SYNE1: variants seen among roughly 807,000 people sequenced by gnomAD.
SYNE1 encodes nesprin-1.
Under a neutral mutation model 1,111.0 loss-of-function variants are expected in SYNE1, and 616 were observed. The observed-to-expected ratio is 0.55, with a 90% CI of 0.52 to 0.59. The LOEUF (loss-of-function observed/expected upper bound fraction) is 0.59. Among genes scored for constraint, SYNE1 ranks in the 20% least tolerant of loss-of-function variants. The pLI, the probability that SYNE1 is intolerant of heterozygous loss-of-function variation, is 0.00. For missense variants in SYNE1, 10,006 were observed against 10,417.0 expected (o/e 0.96, Z 1.72); for synonymous variants, 3,855 against 3,825.8 (o/e 1.01, Z -0.28).
chr6:152,405,607 G>A (rs567326351), intron 45 of SYNE1, among the ~76,000 whole-genome samples: 1 of 152,254 alleles, frequency 6.6e-6, no homozygotes, highest in East Asian at 1.9e-4. Flanking sequence ...TTTAATAATG[G>A]TTGTTTTTAA....
chr6:152,440,815 C>G (rs953515827), intron 32 of SYNE1, among the ~76,000 whole-genome samples: 2 of 152,006 alleles, frequency 1.3e-5, no homozygotes, highest in African/African-American at 4.8e-5. Context: ...ATCTGCCCTC[C>G]TCAGTCTCCC....
At chr6:152,355,286 T>C (rs2096817520) in intron 66 of SYNE1, among the ~76,000 whole-genome samples, 1 of 152,186 alleles carries the variant, frequency 6.6e-6, no homozygotes, top group Admixed American at 6.5e-5. Context: ...GGGCTATTGT[T>C]TAAAAGAATG....
intron 127 of SYNE1, among the ~76,000 whole-genome samples, chr6:152,192,436 AT>A (rs1487554842): frequency 8.1e-6 from 1 of 124,108 alleles, no homozygotes; most frequent in African/African-American, 3.1e-5. Context: ...ATGAGCATAC[AT>A]AAGTGACAGA....
intron 131 of SYNE1, among the ~76,000 whole-genome samples, chr6:152,157,715 T>C (rs1283858559): frequency 6.6e-6 from 1 of 152,076 alleles, no homozygotes; most frequent in Non-Finnish European, 1.5e-5. Context: ...GGGACCTAGG[T>C]TCTATATCAT....
At position 152,300,633 on chromosome 6, in the gene SYNE1, G is replaced by A. The variant is rs1188319988; in HGVS notation, c.17682+8C>T. ...ATTATTGCTAGAGGAATGCCAACTGGGAGGTACCTGGTTAACAGAAGCATC... is the reference window on the plus strand; with the variant it reads ...ATTATTGCTAGAGGAATGCCAACTGAGAGGTACCTGGTTAACAGAAGCATC... On this transcript the variant is annotated splice_region_variant and intron_variant, in intron 93 of 145. Coordinates refer to ENST00000367255, the MANE Select transcript of SYNE1 (RefSeq NM_182961.4). The A allele has an allele frequency of 6.2e-7, 1 of 1,614,174 alleles. No homozygotes were observed. The highest frequency in any genetic ancestry group is 8.5e-7 in the Non-Finnish European group (1 of 1,180,038).
chr6:152,536,532 G>C (rs940612820), intron 4 of SYNE1, among the ~76,000 whole-genome samples: 2 of 147,444 alleles, frequency 1.4e-5, no homozygotes, highest in Non-Finnish European at 3.0e-5. Context: ...TCATCAGCTC[G>C]CTAGAGTCTA....
chr6:152,475,787 C>T (rs2098831325), intron 14 of SYNE1, among the ~76,000 whole-genome samples: 2 of 152,178 alleles, frequency 1.3e-5, no homozygotes, highest in Admixed American at 1.3e-4. Flanking sequence ...AGGGAAAGGG[C>T]TGCAGGAATG....
rs1331611436 is a variant in SYNE1, at chr6:152,122,483, A to C, written c.26347T>G (p.Ser8783Ala). 1.9e-6 allele frequency: 3 copies of C among 1,614,188 alleles called. No individual in the cohort carries two copies. The Admixed American group carries it at 5.0e-5, about 27-fold the overall frequency. ...GTGTATCTGAGCATGGGGTGGAATG[A>C]CCGGGCAAAGTTGTTGGAGAGGGCA... ...SCALSNNFAR[S>A]FHPMLRYTNG... is the part of the protein sequence containing the mutation. Residue 8783 changes from serine (S) to alanine (A), a missense_variant, in exon 146 of 146, where the codon TCA (serine) becomes GCA (alanine). This residue lies in a region of SYNE1 where 761 missense variants were observed against 795.5 expected (regional missense o/e 0.96). Coordinates refer to ENST00000367255, the MANE Select transcript of SYNE1 (RefSeq NM_182961.4).
chr6:152,201,500 C>A (rs2075427422), intron 127 of SYNE1, among the ~76,000 whole-genome samples: 1 of 148,804 alleles, frequency 6.7e-6, no homozygotes, highest in African/African-American at 2.5e-5. Flanking sequence ...TTCTTGTAGA[C>A]TCGATTCTTC....
At chr6:152,628,941 C>T (rs1261845504) in intron 2 of SYNE1, among the ~76,000 whole-genome samples, 1 of 152,178 alleles carries the variant, frequency 6.6e-6, no homozygotes. Context: ...GCCTGCTTTG[C>T]ACATGTTTTG....
chr6:152,386,879 T>G (rs1434121426), intron 54 of SYNE1, among the ~76,000 whole-genome samples, 193 bp downstream of exon 54: 2 of 152,192 alleles, frequency 1.3e-5, no homozygotes, highest in Non-Finnish European at 2.9e-5. Context: ...TAGGCATTCA[T>G]AGTAAGAAAT....
chr6:152,163,518 A>G (rs1332861160), intron 131 of SYNE1, among the ~76,000 whole-genome samples: 1 of 150,498 alleles, frequency 6.6e-6, no homozygotes, highest in Non-Finnish European at 1.5e-5. Flanking sequence ...AAAAAAAAAA[A>G]GAAAGAATAA....
At chr6:152,350,934 C>T (rs181709860) in intron 70 of SYNE1, among the ~76,000 whole-genome samples, 164 bp from the exon 71 acceptor site, 192 of 152,262 alleles carry the variant, frequency 1.3e-3, no homozygotes, top group African/African-American at 4.3e-3. Context: ...TTTATTAAGA[C>T]GAATACAGTT....
intron 91 of SYNE1, among the ~76,000 whole-genome samples, chr6:152,306,976 A>C (rs2095401500): frequency 6.6e-6 from 1 of 152,052 alleles, no homozygotes; most frequent in Non-Finnish European, 1.5e-5. Flanking sequence ...TTTAGTAGTA[A>C]TAACAATTAT....
At chr6:152,387,497 T>G (rs961654604) in intron 53 of SYNE1, 116 bp from the exon 54 acceptor site, 2 of 1,080,222 alleles carry the variant, frequency 1.9e-6, no homozygotes, top group African/African-American at 1.6e-5. Context: ...CTGGAAGTGA[T>G]GAAAATGTTG....
chr6:152,475,080 T>C (rs2098827256), intron 14 of SYNE1, among the ~76,000 whole-genome samples: 1 of 152,188 alleles, frequency 6.6e-6, no homozygotes, highest in Non-Finnish European at 1.5e-5. Flanking sequence ...AAAACAGAAC[T>C]ATCTTCTTTT....
intron 3 of SYNE1, among the ~76,000 whole-genome samples, chr6:152,569,635 G>C (rs1426062854): frequency 6.6e-6 from 1 of 152,030 alleles, no homozygotes; most frequent in Non-Finnish European, 1.5e-5. Flanking sequence ...GCAGCTTTAG[G>C]GATGATGAGA....
intron 3 of SYNE1, among the ~76,000 whole-genome samples, chr6:152,551,504 G>T (rs2099346702): frequency 6.6e-6 from 1 of 152,184 alleles, no homozygotes; most frequent in Admixed American, 6.5e-5. Context: ...GATGCAATCT[G>T]AGAGGATGGG....
At chr6:152,230,434 A>C (rs1322962575) in intron 115 of SYNE1, 113 bp downstream of exon 115, 10 of 1,185,048 alleles carry the variant, frequency 8.4e-6, no homozygotes, top group Non-Finnish European at 1.2e-5. Context: ...TACTAAATGC[A>C]ACTTTTAAAT....
Sources: allele counts gnomAD v4.1 joint callset (sites outside exome capture counted in the v4.1 genomes callset), GRCh38; gene constraint gnomAD v4.1.1; regional missense constraint gnomAD v4.1.1; transcripts MANE v1.5; gene names NCBI Gene and HGNC (gene_info 2026-07-23, HGNC 2026-07-21).